PLPPR1: variants seen among roughly 807,000 people sequenced by gnomAD.
PLPPR1 encodes the protein phospholipid phosphatase related 1.
Under a neutral mutation model 33.1 loss-of-function variants are expected in PLPPR1, and 10 were observed. That is an observed-to-expected ratio of 0.30 (90% CI 0.19 to 0.51). The LOEUF is 0.51. PLPPR1 is among the 20% of genes least tolerant of loss of function. The probability of loss-of-function intolerance (pLI) is 0.97; values close to 1 mark genes in which losing one functional copy is unlikely to be tolerated. For synonymous variants in PLPPR1, 151 were observed against 151.0 expected (o/e 1.00, Z 0.00); for missense variants, 304 against 408.1 (o/e 0.74, Z 2.20).
chr9:101,133,361 C>G (rs1017167865), intron 1 of PLPPR1, among the ~76,000 whole-genome samples: 1 of 152,130 alleles, frequency 6.6e-6, no homozygotes, highest in African/African-American at 2.4e-5. Flanking sequence ...CATTAAAGCA[C>G]TATAACTTGT....
At chr9:101,239,328 T>C (rs1827402350) in intron 2 of PLPPR1, among the ~76,000 whole-genome samples, 1 of 151,960 alleles carries the variant, frequency 6.6e-6, no homozygotes, top group Admixed American at 6.6e-5. Flanking sequence ...TAATTTACAT[T>C]CCTACCAGCA....
At chr9:101,091,298 T>G (rs1830738731) in intron 1 of PLPPR1, among the ~76,000 whole-genome samples, 2 of 152,138 alleles carry the variant, frequency 1.3e-5, no homozygotes, top group African/African-American at 4.8e-5. Context: ...TCTAACAAAT[T>G]GTCGCAGAAT....
intron 1 of PLPPR1, among the ~76,000 whole-genome samples, chr9:101,149,776 A>G (rs955068234): frequency 6.6e-6 from 1 of 152,162 alleles, no homozygotes; most frequent in African/African-American, 2.4e-5. Flanking sequence ...AACATCATCA[A>G]TACTATGTCA....
chr9:101,181,334 GA>G lies in PLPPR1; in HGVS notation c.-45-4107del, dbSNP rs962746913. Among the ~76,000 whole-genome samples, 22 of 148,766 alleles carry G rather than the reference GA, an allele frequency of 1.5e-4. No individual in the cohort carries two copies. In the South Asian group the frequency reaches 3.6e-3, roughly 24 times the overall value. ...TAGTAAGTGTTGACGATGGTGTGGA[GA>G]AAAAAAAATGCTTGTGCACTGTTGA... On this transcript the variant is annotated intron_variant, in intron 1 of 7. Transcript: ENST00000374874.
chr9:101,125,607 C>T, intron 1 of PLPPR1: 1 of 551,128 alleles, frequency 1.8e-6, no homozygotes. Context: ...AATTTCCACT[C>T]CACATCAGAG....
chr9:101,163,846 T>C (rs1277218139), intron 1 of PLPPR1, among the ~76,000 whole-genome samples: 1 of 152,128 alleles, frequency 6.6e-6, no homozygotes, highest in African/African-American at 2.4e-5. Context: ...TAATATCAAA[T>C]CCCTGGAATA....
intron 2 of PLPPR1, among the ~76,000 whole-genome samples, chr9:101,229,349 C>A (rs1273428952): frequency 6.6e-6 from 1 of 151,860 alleles, no homozygotes; most frequent in Non-Finnish European, 1.5e-5. Context: ...ACCCTGTAGC[C>A]AATTTTGGGG....
At chr9:101,313,830 C>A (rs985798069) in intron 6 of PLPPR1, among the ~76,000 whole-genome samples, 6 of 152,160 alleles carry the variant, frequency 3.9e-5, no homozygotes, top group Non-Finnish European at 7.3e-5. Context: ...CCTTCCTTTT[C>A]CCTTATCCCC....
intron 1 of PLPPR1, among the ~76,000 whole-genome samples, chr9:101,164,969 A>G (rs75098495): frequency 0.038 from 5,853 of 152,142 alleles, 403 homozygotes; most frequent in African/African-American, 0.13. Flanking sequence ...AGTTGGAGCT[A>G]AAGGCAAACT....
intron 1 of PLPPR1, among the ~76,000 whole-genome samples, chr9:101,081,820 A>G (rs1013508802): frequency 6.6e-6 from 1 of 152,210 alleles, no homozygotes; most frequent in South Asian, 2.1e-4. Flanking sequence ...TTATCAGGGG[A>G]ATCCGCTGAA....
intron 4 of PLPPR1, among the ~76,000 whole-genome samples, chr9:101,303,848 C>T (rs1400401747): frequency 6.6e-6 from 1 of 152,188 alleles, no homozygotes; most frequent in African/African-American, 2.4e-5. Flanking sequence ...CGTGTTAATA[C>T]TGAAACTGAC....
At chr9:101,172,925 G>A (rs1292325851) in intron 1 of PLPPR1, among the ~76,000 whole-genome samples, 2 of 151,928 alleles carry the variant, frequency 1.3e-5, no homozygotes, top group Admixed American at 6.6e-5. Flanking sequence ...GAATACCATT[G>A]TCTCATTTAT....
intron 2 of PLPPR1, among the ~76,000 whole-genome samples, chr9:101,255,836 A>T (rs899279153): frequency 6.6e-6 from 1 of 152,168 alleles, no homozygotes; most frequent in Non-Finnish European, 1.5e-5. Flanking sequence ...AAAGCAAAAC[A>T]ATTTTCCCCA....
chr9:101,274,303 A>G (rs1828150236), intron 3 of PLPPR1, among the ~76,000 whole-genome samples: 1 of 152,350 alleles, frequency 6.6e-6, no homozygotes, highest in African/African-American at 2.4e-5. Context: ...AACATAGAGA[A>G]AGTGTGTGGT....
At chr9:101,047,756 C>G (rs1411284137) in intron 1 of PLPPR1, among the ~76,000 whole-genome samples, 1 of 152,078 alleles carries the variant, frequency 6.6e-6, no homozygotes, top group Non-Finnish European at 1.5e-5. Flanking sequence ...TTATAATGCT[C>G]AAATGTCATT....
intron 2 of PLPPR1, among the ~76,000 whole-genome samples, chr9:101,269,186 C>T (rs61096122): frequency 0.032 from 4,877 of 151,982 alleles, 262 homozygotes; most frequent in African/African-American, 0.11. Context: ...AAAAGGATAA[C>T]TGTGTCTTTT....
intron 2 of PLPPR1, among the ~76,000 whole-genome samples, chr9:101,202,807 G>A (rs1826517184): frequency 6.6e-6 from 1 of 152,148 alleles, no homozygotes; most frequent in African/African-American, 2.4e-5. Context: ...CTACATTGTT[G>A]TTTGAGGTTT....
At chr9:101,201,036 G>C (rs1340175595) in intron 2 of PLPPR1, among the ~76,000 whole-genome samples, 3 of 152,188 alleles carry the variant, frequency 2.0e-5, no homozygotes, top group Non-Finnish European at 2.9e-5. Flanking sequence ...TGCCAGCAAA[G>C]TATTTTTCAC....
intron 4 of PLPPR1, among the ~76,000 whole-genome samples, chr9:101,293,360 T>G (rs920595467): frequency 5.9e-4 from 89 of 151,580 alleles, no homozygotes; most frequent in Non-Finnish European, 1.2e-3. Flanking sequence ...AATGGGAGAC[T>G]TTAACACCCC....
Sources: allele counts gnomAD v4.1 joint callset (sites outside exome capture counted in the v4.1 genomes callset), GRCh38; gene constraint gnomAD v4.1.1; transcripts MANE v1.5; gene names NCBI Gene and HGNC (gene_info 2026-07-23, HGNC 2026-07-21).